RAC1: variants seen among roughly 807,000 people sequenced by gnomAD.
The protein encoded by RAC1 is ras-related C3 botulinum toxin substrate 1.
A neutral mutation model predicts 25.2 loss-of-function variants in RAC1; 2 were observed. That is an observed-to-expected ratio of 0.08 (90% CI 0.03 to 0.25). RAC1 has a LOEUF of 0.25. Ranked by LOEUF, RAC1 falls within the 10% of genes least tolerant of loss-of-function variation. RAC1 has a pLI of 1.00. For synonymous variants in RAC1, 88 were observed against 94.0 expected (o/e 0.94, Z 0.37); for missense variants, 50 against 235.7 (o/e 0.21, Z 5.16).
At chr7:6,398,183 G>A (rs1397341173) in intron 3 of RAC1, among the ~76,000 whole-genome samples, 1 of 149,874 alleles carries the variant, frequency 6.7e-6, no homozygotes, top group East Asian at 2.0e-4. Flanking sequence ...TTAAAACCCT[G>A]AGGCCCGGCT....
At chr7:6,394,809 T>C (rs948508393) in intron 3 of RAC1, among the ~76,000 whole-genome samples, 8 of 152,066 alleles carry the variant, frequency 5.3e-5, no homozygotes, top group Non-Finnish European at 1.2e-4. Context: ...GTCTCTCAAG[T>C]AGCTGGGACT....
chr7:6,382,024 C>T (rs1009388295), intron 1 of RAC1, among the ~76,000 whole-genome samples: 5 of 151,834 alleles, frequency 3.3e-5, no homozygotes, highest in Admixed American at 6.6e-5. Flanking sequence ...CAGAGAGTCT[C>T]GCTCTGTTGC....
chr7:6,385,215 T>C (rs1450614258), intron 1 of RAC1, among the ~76,000 whole-genome samples: 4 of 152,204 alleles, frequency 2.6e-5, no homozygotes, highest in African/African-American at 9.7e-5. Context: ...ATGATTGCAT[T>C]CTTAATTTTT....
chr7:6,376,993 T>G (rs2115180853), intron 1 of RAC1, among the ~76,000 whole-genome samples: 1 of 152,050 alleles, frequency 6.6e-6, no homozygotes, highest in African/African-American at 2.4e-5. Context: ...TTACATGGGG[T>G]AACCCTAAGC....
At chr7:6,380,892 G>A (rs1206576529) in intron 1 of RAC1, among the ~76,000 whole-genome samples, 2 of 152,150 alleles carry the variant, frequency 1.3e-5, no homozygotes, top group Admixed American at 6.6e-5. Context: ...TTTTTGAGGT[G>A]GAGTCTTGCT....
At chr7:6,379,167 T>C (rs904192031) in intron 1 of RAC1, among the ~76,000 whole-genome samples, 6 of 152,128 alleles carry the variant, frequency 3.9e-5, no homozygotes, top group Middle Eastern at 3.2e-3. Flanking sequence ...TTTTATTTTA[T>C]ATTGGCTCAC....
intron 4 of RAC1, among the ~76,000 whole-genome samples, chr7:6,400,663 G>C (rs527646361): frequency 6.6e-6 from 1 of 151,234 alleles, no homozygotes; most frequent in African/African-American, 2.4e-5. Flanking sequence ...TTTTGAGAGA[G>C]TCTTTTTTTT....
At chr7:6,383,418 A>G (rs1782828871) in intron 1 of RAC1, among the ~76,000 whole-genome samples, 1 of 126,806 alleles carries the variant, frequency 7.9e-6, no homozygotes, top group Admixed American at 8.3e-5. Context: ...CACTAAGCTT[A>G]AATATAAGGT....
At chr7:6,391,515 A>C (rs1192730401) in intron 2 of RAC1, 3 of 207,876 alleles carry the variant, frequency 1.4e-5, no homozygotes, top group Non-Finnish European at 2.9e-5. Context: ...TGCAGAGGGT[A>C]GCTCTAGTGG....
intron 3 of RAC1, among the ~76,000 whole-genome samples, chr7:6,394,793 G>A (rs1335719342): frequency 2.0e-5 from 3 of 152,094 alleles, no homozygotes; most frequent in Non-Finnish European, 2.9e-5. Context: ...TGACTTTCCC[G>A]CCCTAGTCTC....
intron 1 of RAC1, among the ~76,000 whole-genome samples, chr7:6,375,479 C>T (rs546787477): frequency 6.6e-6 from 1 of 152,140 alleles, no homozygotes; most frequent in African/African-American, 2.4e-5. Flanking sequence ...TCCTGCCTCT[C>T]AGCCTCCAAA....
chr7:6,377,121 CTGTTA>C (rs1562460142), intron 1 of RAC1, among the ~76,000 whole-genome samples: 2 of 151,678 alleles, frequency 1.3e-5, no homozygotes, highest in East Asian at 3.9e-4. Context: ...ATGCCAGGTA[CTGTTA>C]TTGCGGTTTC....
intron 1 of RAC1, among the ~76,000 whole-genome samples, chr7:6,386,814 GA>G (rs1227557507): frequency 1.0e-4 from 15 of 149,520 alleles, no homozygotes; most frequent in Admixed American, 4.7e-4. Context: ...AGAAAAAAAA[GA>G]AAAAAAGAAA....
At chr7:6,395,648 G>A (rs1397350617) in intron 3 of RAC1, among the ~76,000 whole-genome samples, 1 of 152,158 alleles carries the variant, frequency 6.6e-6, no homozygotes, top group Admixed American at 6.6e-5. Flanking sequence ...TCACACAGGT[G>A]ACCTTCTCTG....
intron 1 of RAC1, among the ~76,000 whole-genome samples, chr7:6,375,550 C>T (rs1009040073): frequency 1.3e-5 from 2 of 152,148 alleles, no homozygotes; most frequent in South Asian, 2.1e-4. Flanking sequence ...TTTTGACTTA[C>T]ACTTCTGCCA....
intron 1 of RAC1, among the ~76,000 whole-genome samples, chr7:6,381,507 C>G (rs999539812): frequency 6.6e-6 from 1 of 151,922 alleles, no homozygotes; most frequent in Non-Finnish European, 1.5e-5. Context: ...ATTCTCCTGC[C>G]TCAGCCTCCT....
At chr7:6,398,443 G>C (rs1447857385) in intron 3 of RAC1, among the ~76,000 whole-genome samples, 2 of 152,218 alleles carry the variant, frequency 1.3e-5, no homozygotes, top group East Asian at 1.9e-4. Context: ...CCTGACCTCT[G>C]TCTTCACCAT....
At chr7:6,385,465 A>G (rs1304487613) in intron 1 of RAC1, among the ~76,000 whole-genome samples, 3 of 152,216 alleles carry the variant, frequency 2.0e-5, no homozygotes, top group Non-Finnish European at 4.4e-5. Flanking sequence ...CTGGGTCTCA[A>G]ATCTGGGCTT....
At position 6,374,790 on chromosome 7, in the gene RAC1, C is replaced by G. The variant is rs530637147; in HGVS notation, c.35+20C>G. 8.7e-5 allele frequency: 98 copies of G among 1,120,070 alleles called. No homozygotes were observed. In the African/African-American group the frequency reaches 1.4e-3, roughly 15 times the overall value. The allele number at this position is 1,120,070 out of a possible 1,614,324, so 69.4% of individuals were successfully genotyped here. A position where few individuals can be genotyped will look rare whatever the true frequency, so the allele number is the denominator to read the frequency against. On this transcript the variant is annotated intron_variant, in intron 1 of 5. Coordinates refer to ENST00000348035, the MANE Select transcript of RAC1 (RefSeq NM_006908.5). ...AGACGGGTGAGTGCGCGGCCGGGGCCGGGCTGGAGGCCGCGGGATCGGGCG... is the reference window on the plus strand; with the variant it reads ...AGACGGGTGAGTGCGCGGCCGGGGCGGGGCTGGAGGCCGCGGGATCGGGCG...
Sources: allele counts gnomAD v4.1 joint callset (sites outside exome capture counted in the v4.1 genomes callset), GRCh38; gene constraint gnomAD v4.1.1; transcripts MANE v1.5; gene names NCBI Gene and HGNC (gene_info 2026-07-23, HGNC 2026-07-21).